PCDH15: variants seen among roughly 807,000 people sequenced by gnomAD.
PCDH15 encodes the protein protocadherin related 15, also known as protocadherin-15.
PCDH15 carries 129 observed loss-of-function variants against 178.5 expected under a neutral mutation model. The ratio of observed to expected loss-of-function variants is 0.72; its 90% CI spans 0.63 to 0.84. The LOEUF (loss-of-function observed/expected upper bound fraction) is 0.84, where lower values mean the gene tolerates loss of function less well. Ranked by LOEUF, PCDH15 falls within the 40% of genes least tolerant of loss-of-function variation. PCDH15 has a pLI of 0.00. For missense variants in PCDH15, 2,230 were observed against 2,099.9 expected (o/e 1.06, Z -1.21); for synonymous variants, 800 against 732.0 (o/e 1.09, Z -1.50).
rs78506165 is a variant in PCDH15 at position 54,843,815 on chromosome 10, G to A, written c.-29+53635C>T. ...TGAACAGTTCCCTGATACATCTTAC[G>A]GGGATCAGTGTTTTGAGTCCCCAGT... is the stretch of plus-strand genomic sequence containing the variant. On this transcript the variant is annotated intron_variant, in intron 3 of 5. Coordinates refer to the PCDH15 transcript ENST00000458638. Among the ~76,000 whole-genome samples, 11 of 151,836 alleles carry A rather than the reference G, an allele frequency of 7.2e-5. No homozygotes were observed. The East Asian group carries it at 1.7e-3, about 24-fold the overall frequency.
At chr10:54,431,535 G>A (rs544500262) in intron 3 of PCDH15, among the ~76,000 whole-genome samples, 3 of 152,270 alleles carry the variant, frequency 2.0e-5, no homozygotes, top group South Asian at 4.1e-4. Flanking sequence ...TGTTGTAAAA[G>A]TATTTGATAA....
intron 2 of PCDH15, among the ~76,000 whole-genome samples, chr10:55,004,105 G>A (rs57554275): frequency 0.017 from 2,611 of 152,248 alleles, 85 homozygotes; most frequent in African/African-American, 0.058. Flanking sequence ...AGTTTATTTT[G>A]CAGGTAGGTT....
intron 2 of PCDH15, among the ~76,000 whole-genome samples, chr10:55,408,993 C>CT: frequency 6.6e-6 from 1 of 152,222 alleles, no homozygotes; most frequent in Admixed American, 6.5e-5. Flanking sequence ...ACTTGACACT[C>CT]TGTCTTTTTT....
At chr10:53,904,178 G>T (rs1303868898) in intron 25 of PCDH15, among the ~76,000 whole-genome samples, 3 of 151,998 alleles carry the variant, frequency 2.0e-5, no homozygotes, top group African/African-American at 7.2e-5. Context: ...AAATAAAATG[G>T]GAAATAAGTG....
intron 3 of PCDH15, among the ~76,000 whole-genome samples, chr10:54,393,754 A>G (rs1317531259): frequency 6.6e-6 from 1 of 152,202 alleles, no homozygotes. Context: ...TCATATTTTC[A>G]GTATAAAGAG....
intron 3 of PCDH15, among the ~76,000 whole-genome samples, chr10:54,823,705 G>T (rs757744899): frequency 6.6e-6 from 1 of 151,840 alleles, no homozygotes; most frequent in Non-Finnish European, 1.5e-5. Context: ...AACAAATCTT[G>T]TACCCATTGG....
intron 3 of PCDH15, among the ~76,000 whole-genome samples, chr10:54,482,676 A>T (rs913599830): frequency 2.6e-5 from 4 of 151,838 alleles, no homozygotes; most frequent in African/African-American, 9.7e-5. Context: ...AGATTAACTG[A>T]AACACTTGTA....
rs1564474636 is a variant in PCDH15 at position 55,599,670 on chromosome 10, G to T, written c.-156+27955C>A. On this transcript the variant is annotated intron_variant, in intron 2 of 5. Transcript: ENST00000613346. ...ACCTAATATTAACAAATGATTAATA[G>T]ACATCTTATTATCTTTATTTTAACC... The T allele has an allele frequency of 1.3e-5, 4 of 308,620 alleles. No homozygotes were observed. The East Asian group carries it at 1.6e-4, about 13-fold the overall frequency. The allele number at this position is 308,620 out of a possible 1,614,324, so 19.1% of individuals were successfully genotyped here. A position where few individuals can be genotyped will look rare whatever the true frequency, so the allele number is the denominator to read the frequency against.
intron 28 of PCDH15, among the ~76,000 whole-genome samples, chr10:53,848,151 G>A (rs1268667677): frequency 1.3e-5 from 2 of 151,818 alleles, no homozygotes; most frequent in Non-Finnish European, 2.9e-5. Flanking sequence ...GATGATTAAA[G>A]TGGCCTCTAA....
At chr10:54,210,071 G>A (rs992368539) in intron 10 of PCDH15, among the ~76,000 whole-genome samples, 2 of 152,054 alleles carry the variant, frequency 1.3e-5, no homozygotes, top group African/African-American at 2.4e-5. Flanking sequence ...AATTTTCTAT[G>A]GCAAATATGT....
intron 2 of PCDH15, among the ~76,000 whole-genome samples, chr10:54,973,345 A>G (rs1376244520): frequency 6.6e-6 from 1 of 152,176 alleles, no homozygotes; most frequent in Non-Finnish European, 1.5e-5. Context: ...ACCTCTCTCA[A>G]ATTAATTCCT....
In PCDH15 at chr10:54,359,054, A is replaced by C. The variant is rs1417506417; in HGVS notation, c.474+10066T>G. On this transcript the variant is annotated intron_variant, in intron 5 of 37. Coordinates refer to ENST00000644397, the MANE Select transcript of PCDH15 (RefSeq NM_001384140.1). ...AGGGATAGCATTAGGAGATATACCTAATGCTAAATGACGAGTTAATGGGTG... is the reference window on the plus strand; with the variant it reads ...AGGGATAGCATTAGGAGATATACCTCATGCTAAATGACGAGTTAATGGGTG... 3.3e-5 allele frequency among the ~76,000 whole-genome samples: 5 copies of C among 150,898 alleles called. No homozygotes were observed. The East Asian group carries it at 9.9e-4, about 30-fold the overall frequency.
intron 2 of PCDH15, among the ~76,000 whole-genome samples, chr10:55,544,359 A>T (rs750108803): frequency 8.4e-4 from 127 of 151,592 alleles, no homozygotes; most frequent in Admixed American, 1.5e-3. Context: ...TTAACACTGA[A>T]TGAGTACTGG....
chr10:55,287,739 A>G (rs184598808), intron 1 of PCDH15, among the ~76,000 whole-genome samples: 244 of 152,000 alleles, frequency 1.6e-3, no homozygotes, highest in African/African-American at 5.6e-3. Flanking sequence ...TTCAATGGGG[A>G]AAATACTATA....
At chr10:55,430,646 T>C (rs1838860699) in intron 2 of PCDH15, among the ~76,000 whole-genome samples, 1 of 152,120 alleles carries the variant, frequency 6.6e-6, no homozygotes, top group Admixed American at 6.6e-5. Context: ...AAATAAAGTG[T>C]TCCCAGTGAA....
At chr10:54,274,674 C>T (rs978618604) in intron 8 of PCDH15, among the ~76,000 whole-genome samples, 23 of 150,114 alleles carry the variant, frequency 1.5e-4, no homozygotes, top group Non-Finnish European at 4.4e-5. Flanking sequence ...TCACCCTAAG[C>T]ACACTGTTAA....
chr10:54,172,957 G>A (rs1366254852), intron 13 of PCDH15, among the ~76,000 whole-genome samples: 4 of 152,146 alleles, frequency 2.6e-5, no homozygotes, highest in African/African-American at 9.6e-5. Context: ...ACACTGTTAA[G>A]TATATCAAGG....
chr10:55,019,593 A>T (rs1840273511), intron 2 of PCDH15, among the ~76,000 whole-genome samples: 1 of 152,082 alleles, frequency 6.6e-6, no homozygotes, highest in Non-Finnish European at 1.5e-5. Context: ...GAATCACACA[A>T]AAATTCTGAT....
intron 2 of PCDH15, among the ~76,000 whole-genome samples, chr10:55,019,087 A>T (rs1459334204): frequency 1.3e-5 from 2 of 152,112 alleles, no homozygotes; most frequent in Non-Finnish European, 2.9e-5. Context: ...GAAATGCTCT[A>T]AATCTTTTTT....
Sources: gnomAD v4.1 joint callset for allele counts (sites outside exome capture counted in the v4.1 genomes callset) on GRCh38, gnomAD v4.1.1 for gene constraint, MANE v1.5 for transcripts, NCBI Gene and HGNC (gene_info 2026-07-23, HGNC 2026-07-21) for gene names.